The following MYT1L variants were observed in gnomAD, a reference collection of about 807,000 sequenced individuals.
MYT1L encodes the protein myelin transcription factor 1 like, also known as myelin transcription factor 1-like protein.
Under a neutral mutation model 126.7 loss-of-function variants are expected in MYT1L, and 12 were observed. The observed-to-expected ratio is 0.09, with a 90% CI of 0.06 to 0.15. The LOEUF is 0.15. Among genes scored for constraint, MYT1L ranks in the 10% least tolerant of loss-of-function variants. The pLI is 1.00. For missense variants in MYT1L, 979 were observed against 1,585.2 expected, an observed-to-expected ratio of 0.62 and a Z score of 6.49; for synonymous variants, 541 against 604.2, an observed-to-expected ratio of 0.90 and a Z score of 1.53.
intron 2 of MYT1L, among the ~76,000 whole-genome samples, chr2:2,275,926 G>A (rs1474176842): frequency 6.6e-6 from 1 of 152,154 alleles, no homozygotes; most frequent in East Asian, 1.9e-4. Flanking sequence ...ATTCTTCAGT[G>A]TCATTCCCAA....
chr2:2,320,496 A>G (rs758725853), intron 1 of MYT1L, among the ~76,000 whole-genome samples: 7 of 152,084 alleles, frequency 4.6e-5, no homozygotes, highest in African/African-American at 7.2e-5. Context: ...AAAAAGAAAA[A>G]AAAAGCCAGC....
At chr2:1,841,752 C>T (rs2041756602) in intron 19 of MYT1L, 1 of 152,236 alleles carries the variant, frequency 6.6e-6, no homozygotes, top group Non-Finnish European at 1.5e-5. Flanking sequence ...CAGCCCCATT[C>T]TTGGGTACTC....
At chr2:2,089,255 ATACACCAGG>A (rs1168654676) in intron 3 of MYT1L, among the ~76,000 whole-genome samples, 8 of 152,232 alleles carry the variant, frequency 5.3e-5, no homozygotes, top group African/African-American at 1.4e-4. Context: ...CTCATTTTAA[ATACACCAGG>A]TACAATCAGG....
intron 9 of MYT1L, among the ~76,000 whole-genome samples, chr2:1,926,791 G>A (rs1028192481): frequency 3.9e-5 from 6 of 152,092 alleles, no homozygotes; most frequent in African/African-American, 1.4e-4. Context: ...CTCCTGCCTC[G>A]GCCTCCCAAA....
intron 3 of MYT1L, among the ~76,000 whole-genome samples, chr2:2,139,693 G>A (rs551016852): frequency 3.3e-5 from 5 of 152,036 alleles, no homozygotes; most frequent in African/African-American, 9.6e-5. Context: ...TCCAGGCACC[G>A]GGAGACGTCC....
intron 4 of MYT1L, among the ~76,000 whole-genome samples, chr2:2,042,255 T>C (rs1470446718): frequency 6.6e-6 from 1 of 152,184 alleles, no homozygotes; most frequent in Non-Finnish European, 1.5e-5. Flanking sequence ...AGCTATCACA[T>C]TTGGCAGGTT....
chr2:2,049,925 T>C (rs1239298405), intron 4 of MYT1L, among the ~76,000 whole-genome samples: 1 of 152,020 alleles, frequency 6.6e-6, no homozygotes, highest in Non-Finnish European at 1.5e-5. Context: ...TTTATCAGTA[T>C]TGTGAAAATA....
At chr2:2,237,424 A>C (rs1559423589) in intron 2 of MYT1L, among the ~76,000 whole-genome samples, 1 of 152,142 alleles carries the variant, frequency 6.6e-6, no homozygotes, top group Non-Finnish European at 1.5e-5. Context: ...TCCTCGCATC[A>C]CTGTGCTGGT....
At chr2:2,277,156 T>G (rs2095373296) in intron 2 of MYT1L, among the ~76,000 whole-genome samples, 2 of 152,038 alleles carry the variant, frequency 1.3e-5, no homozygotes, top group African/African-American at 4.8e-5. Context: ...TAATTTTTTT[T>G]GTATTTTTTT....
At chr2:2,205,148 A>G (rs901849908) in intron 2 of MYT1L, among the ~76,000 whole-genome samples, 7 of 150,178 alleles carry the variant, frequency 4.7e-5, no homozygotes, top group Non-Finnish European at 1.0e-4. Context: ...GGATAGCATT[A>G]GGAGATATAC....
At chr2:2,129,783 G>A (rs2082136912) in intron 3 of MYT1L, among the ~76,000 whole-genome samples, 1 of 152,010 alleles carries the variant, frequency 6.6e-6, no homozygotes, top group South Asian at 2.1e-4. Flanking sequence ...GCGGGCGCCT[G>A]TAGTCCCAGC....
intron 2 of MYT1L, among the ~76,000 whole-genome samples, chr2:2,207,453 G>C (rs183972965): frequency 1.2e-4 from 18 of 152,268 alleles, no homozygotes; most frequent in African/African-American, 4.3e-4. Flanking sequence ...GCCTCACCCT[G>C]TGTTGAGCTT....
chr2:1,951,351 G>A (rs184050607), intron 8 of MYT1L, among the ~76,000 whole-genome samples: 4 of 152,122 alleles, frequency 2.6e-5, no homozygotes, highest in Non-Finnish European at 5.9e-5. Context: ...CAGCAGAGGG[G>A]ACAGAGATGA....
rs1049434039 is a variant in MYT1L at position 1,887,506 on chromosome 2, C to T, written c.2624G>A (p.Ser875Asn). 4.3e-6 allele frequency: 7 copies of T among 1,613,790 alleles called. No homozygotes were observed. The Admixed American group carries it at 6.7e-5, about 15-fold the overall frequency. Reference sequence around the variant, plus strand: ...TGCTTACGTTATTAAGTCCTTTTTGCTCTCCTTGCACTGAGGGTACTTGGG... The same window carrying T: ...TGCTTACGTTATTAAGTCCTTTTTGTTCTCCTTGCACTGAGGGTACTTGGG... ...PKPKYPQCKE[S>N]KKDLITLSGC... Residue 875 changes from serine to asparagine, a missense_variant, in exon 17 of 25, where the codon AGC (serine) becomes AAC (asparagine). Physicochemically the swap from Ser to Asn is conservative, Grantham distance 46. This residue lies in a region of MYT1L where 141 missense variants were observed against 170.6 expected (regional missense o/e 0.83). Coordinates refer to ENST00000647738, the MANE Select transcript of MYT1L (RefSeq NM_001303052.2). This position sits in a 1 kb window ranked among gnomAD's most constrained non-coding sequence, Gnocchi z 4.8.
At chr2:1,815,306 C>T (rs984593618) in intron 21 of MYT1L, among the ~76,000 whole-genome samples, 6 of 152,190 alleles carry the variant, frequency 3.9e-5, no homozygotes, top group Admixed American at 6.5e-5. Flanking sequence ...CTGCCACCTT[C>T]GCTGAGCAGC....
rs900238725 is a variant in MYT1L at position 1,887,433 on chromosome 2, G to T, written c.2642+55C>A. ...ATACAGATCCAGTTTTAAAAAATCA[G>T]CCAAAGAATGGGAAGATTAAGAAGA... On this transcript the variant is annotated intron_variant, in intron 17 of 24. Transcript: ENST00000647738. This position sits in a 1 kb window ranked among gnomAD's most constrained non-coding sequence, Gnocchi z 4.8. 1.2e-6 allele frequency: 2 copies of T among 1,611,504 alleles called. No individual in the cohort carries two copies. The highest frequency in any genetic ancestry group is 8.5e-7 in the Non-Finnish European group (1 of 1,177,988).
At chr2:1,796,066 T>C (rs1357800953) in intron 23 of MYT1L, among the ~76,000 whole-genome samples, 1 of 152,174 alleles carries the variant, frequency 6.6e-6, no homozygotes, top group Non-Finnish European at 1.5e-5. Flanking sequence ...AATAACAGCA[T>C]TTTGTAACAT....
intron 3 of MYT1L, among the ~76,000 whole-genome samples, chr2:2,090,569 A>G (rs1009169887): frequency 6.6e-6 from 1 of 152,152 alleles, no homozygotes; most frequent in Non-Finnish European, 1.5e-5. Context: ...CAGTTGTTGA[A>G]GGTTGGGTGG....
intron 1 of MYT1L, among the ~76,000 whole-genome samples, chr2:2,314,360 T>C (rs114182912): frequency 0.016 from 2,442 of 152,318 alleles, 27 homozygotes; most frequent in Non-Finnish European, 0.022. Flanking sequence ...CATTAAATAA[T>C]GACCATTCAG....
Sources: allele counts gnomAD v4.1 joint callset (sites outside exome capture counted in the v4.1 genomes callset), GRCh38; gene constraint gnomAD v4.1.1; regional missense constraint gnomAD v4.1.1; non-coding constraint Gnocchi (gnomAD v3.1); transcripts MANE v1.5; gene names NCBI Gene and HGNC (gene_info 2026-07-23, HGNC 2026-07-21).